ITGA9: variants seen among roughly 807,000 people sequenced by gnomAD.
ITGA9 encodes the protein integrin subunit alpha 9.
In ITGA9, 56 loss-of-function variants were observed where a neutral mutation model predicts 127.8. That is an observed-to-expected ratio of 0.44 (90% CI 0.35 to 0.55). The LOEUF is 0.55. ITGA9 is among the 20% of genes least tolerant of loss of function. The pLI is 0.00. For missense variants in ITGA9, 1,196 were observed against 1,347.1 expected (o/e 0.89, Z 1.76); for synonymous variants, 508 against 514.5 (o/e 0.99, Z 0.17).
At chr3:37,544,783 G>A (rs547179936) in intron 15 of ITGA9, among the ~76,000 whole-genome samples, 6 of 152,268 alleles carry the variant, frequency 3.9e-5, no homozygotes, top group South Asian at 2.1e-4. Flanking sequence ...AGGTGGGAGC[G>A]GAGAAATACA....
chr3:37,687,221 G>A (rs778120537), intron 18 of ITGA9, among the ~76,000 whole-genome samples: 11 of 152,128 alleles, frequency 7.2e-5, no homozygotes, highest in Non-Finnish European at 1.0e-4. Flanking sequence ...TGTTATGGAT[G>A]GGATAAAGAA....
intron 19 of ITGA9, chr3:37,733,104 T>C (rs1023961545): frequency 5.2e-6 from 2 of 386,652 alleles, no homozygotes; most frequent in Non-Finnish European, 4.9e-6. Flanking sequence ...CCTAAAATAA[T>C]TTTTTTTCTG....
At chr3:37,574,222 T>C (rs1283249858) in intron 15 of ITGA9, among the ~76,000 whole-genome samples, 2 of 152,230 alleles carry the variant, frequency 1.3e-5, no homozygotes, top group Admixed American at 1.3e-4. Flanking sequence ...GATATTTCTT[T>C]TAAGACTGTT....
At chr3:37,527,263 T>C (rs187066054) in intron 13 of ITGA9, among the ~76,000 whole-genome samples, 7 of 152,362 alleles carry the variant, frequency 4.6e-5, no homozygotes, top group Admixed American at 3.3e-4. Context: ...AGGAGTGTGC[T>C]GCATTCCTAT....
intron 18 of ITGA9, among the ~76,000 whole-genome samples, chr3:37,714,475 C>T (rs1701112736): frequency 6.6e-6 from 1 of 152,208 alleles, no homozygotes; most frequent in Non-Finnish European, 1.5e-5. Context: ...GCAGACTTCT[C>T]AGCATCCCCT....
intron 10 of ITGA9, 58 bp downstream of exon 10, chr3:37,517,667 C>A: frequency 1.6e-6 from 2 of 1,248,296 alleles, no homozygotes; most frequent in Non-Finnish European, 2.3e-6. Context: ...TGCTCTGTTT[C>A]AGAGGGGCAG....
At chr3:37,469,171 T>C (rs1489094514) in intron 1 of ITGA9, among the ~76,000 whole-genome samples, 1 of 152,196 alleles carries the variant, frequency 6.6e-6, no homozygotes, top group African/African-American at 2.4e-5. Context: ...TCTGGGTGGG[T>C]CTTGCCCCTT....
chr3:37,636,689 A>C (rs1285987402), intron 16 of ITGA9, among the ~76,000 whole-genome samples: 1 of 152,190 alleles, frequency 6.6e-6, no homozygotes, highest in East Asian at 1.9e-4. Flanking sequence ...TTGGTGATTT[A>C]GACATGAAGT....
At chr3:37,610,521 G>T (rs1700005989) in intron 15 of ITGA9, among the ~76,000 whole-genome samples, 1 of 152,076 alleles carries the variant, frequency 6.6e-6, no homozygotes, top group Non-Finnish European at 1.5e-5. Context: ...CAATCTCCTG[G>T]GATCATATTG....
intron 15 of ITGA9, among the ~76,000 whole-genome samples, chr3:37,592,305 G>A (rs752407853): frequency 1.3e-5 from 2 of 152,066 alleles, no homozygotes; most frequent in Non-Finnish European, 2.9e-5. Flanking sequence ...AGTCAAATAA[G>A]GCTATTCCTC....
chr3:37,504,712 T>C (rs983305838), intron 6 of ITGA9, among the ~76,000 whole-genome samples: 1 of 152,172 alleles, frequency 6.6e-6, no homozygotes, highest in Non-Finnish European at 1.5e-5. Context: ...GAGGCTCTTA[T>C]CAGCTGCAGG....
intron 27 of ITGA9, among the ~76,000 whole-genome samples, chr3:37,817,081 G>C (rs1168430997): frequency 1.3e-5 from 2 of 152,218 alleles, no homozygotes; most frequent in Admixed American, 1.3e-4. Context: ...CTTCAGGGGA[G>C]CTTATGACCA....
Position 37,751,116 on chromosome 3 carries a change from A to G in ITGA9, c.2541+547A>G, listed in dbSNP as rs115341131. Among the ~76,000 whole-genome samples the G allele has an allele frequency of 5.0e-4, 76 of 152,358 alleles. 1 individual carries two copies. Among genetic ancestry groups the G allele is most frequent in the African/African-American group, 1.5e-3 (63 of 41,582 alleles). On this transcript the variant is annotated intron_variant, in intron 23 of 27. Coordinates refer to ENST00000264741, the MANE Select transcript of ITGA9 (RefSeq NM_002207.3). ...GTTCAGAAAACATTGTGTGATGGTGACAGTAATTTCTGGCATTGCTGCCCT... is the reference window on the plus strand; with the variant it reads ...GTTCAGAAAACATTGTGTGATGGTGGCAGTAATTTCTGGCATTGCTGCCCT...
intron 4 of ITGA9, among the ~76,000 whole-genome samples, chr3:37,491,011 C>G: frequency 7.9e-6 from 1 of 127,134 alleles, no homozygotes; most frequent in Non-Finnish European, 1.6e-5. Context: ...GAATCTGGCT[C>G]TGTTGCCCAG....
intron 4 of ITGA9, among the ~76,000 whole-genome samples, chr3:37,491,624 T>C (rs988558462): frequency 1.3e-5 from 2 of 152,140 alleles, no homozygotes; most frequent in Non-Finnish European, 2.9e-5. Context: ...GACCCAGGCT[T>C]GTTGGGGATG....
Position 37,779,889 on chromosome 3 carries a change from C to G in ITGA9, c.2668-13C>G, listed in dbSNP as rs774283217. On this transcript the variant is annotated splice_polypyrimidine_tract_variant and intron_variant, in intron 24 of 27. Coordinates refer to ENST00000264741, the MANE Select transcript of ITGA9 (RefSeq NM_002207.3). ...TTAATTCCATTGGAAATTTTTCTGA[C>G]TTTTCTTCTCAGGACTGTGAAAAAC... is the stretch of plus-strand genomic sequence containing the variant. 4 of 1,613,734 alleles carry G rather than the reference C, an allele frequency of 2.5e-6. No individual in the cohort carries two copies. Among genetic ancestry groups the G allele is most frequent in the Non-Finnish European group, 2.5e-6 (3 of 1,179,716 alleles).
chr3:37,530,717 GTTTTTTTTTTTT>G (rs71094916), intron 13 of ITGA9, among the ~76,000 whole-genome samples: 1 of 86,240 alleles, frequency 1.2e-5, no homozygotes, highest in African/African-American at 4.8e-5. Context: ...CAGCTACCAG[GTTTTTTTTTTTT>G]TTTTTTTTTT....
At chr3:37,750,833 C>T (rs1386369049) in intron 23 of ITGA9, among the ~76,000 whole-genome samples, 2 of 152,246 alleles carry the variant, frequency 1.3e-5, no homozygotes, top group Non-Finnish European at 2.9e-5. Flanking sequence ...ACTTCGCTGG[C>T]TCTGGGAACC....
intron 15 of ITGA9, among the ~76,000 whole-genome samples, chr3:37,585,105 C>T (rs893059627): frequency 6.6e-6 from 1 of 152,158 alleles, no homozygotes; most frequent in Non-Finnish European, 1.5e-5. Context: ...GACCACTCCC[C>T]ACCTTGCTCC....
Sources: gnomAD v4.1 joint callset for allele counts (sites outside exome capture counted in the v4.1 genomes callset) on GRCh38, gnomAD v4.1.1 for gene constraint, MANE v1.5 for transcripts, NCBI Gene and HGNC (gene_info 2026-07-23, HGNC 2026-07-21) for gene names.